Variants in FGF13 observed in about 807,000 individuals in gnomAD.
The protein encoded by FGF13 is fibroblast growth factor homologous factor 2.
FGF13 carries 2 observed loss-of-function variants against 19.5 expected under a neutral mutation model. That is an observed-to-expected ratio of 0.10 (90% CI 0.04 to 0.32). The LOEUF (loss-of-function observed/expected upper bound fraction) is 0.32. Ranked by LOEUF, FGF13 falls within the 10% of genes least tolerant of loss-of-function variation. The pLI is 1.00. For synonymous variants in FGF13, 72 were observed against 76.9 expected (o/e 0.94, Z 0.33); for missense variants, 113 against 192.7 (o/e 0.59, Z 2.45).
intron 3 of FGF13, among the ~76,000 whole-genome samples, chrX:138,791,112 A>T (rs140406820): frequency 1.2e-3 from 137 of 112,952 alleles, no homozygotes; most frequent in African/African-American, 4.0e-3. Context: ...CTTTAAGAAA[A>T]CCAATACAGC....
At chrX:138,660,074 TA>T (rs2089475983) in intron 3 of FGF13, among the ~76,000 whole-genome samples, 3 of 111,908 alleles carry the variant, frequency 2.7e-5, no homozygotes, top group Admixed American at 9.5e-5. Context: ...TAAAGTATAA[TA>T]TTTTTTTTTA....
At chrX:139,047,099 T>G (rs1268918804) in intron 1 of FGF13, among the ~76,000 whole-genome samples, 1 of 112,449 alleles carries the variant, frequency 8.9e-6, no homozygotes, top group Non-Finnish European at 1.9e-5. Context: ...TCCCTGTGTG[T>G]TAGCAGTCAA....
At chrX:138,781,338 G>T (rs768815197) in intron 3 of FGF13, among the ~76,000 whole-genome samples, 1 of 109,710 alleles carries the variant, frequency 9.1e-6, no homozygotes, top group Non-Finnish European at 1.9e-5. Flanking sequence ...GAAGGAAATA[G>T]AGACACAAAA....
intron 1 of FGF13, among the ~76,000 whole-genome samples, chrX:139,092,129 G>A (rs139138069): frequency 0.012 from 1,349 of 110,969 alleles, 30 homozygotes; most frequent in African/African-American, 0.042. Context: ...GGAAAGGAGG[G>A]GTGGCTGCCA....
At chrX:138,871,693 T>C (rs1192064931) in intron 1 of FGF13, among the ~76,000 whole-genome samples, 3 of 111,521 alleles carry the variant, frequency 2.7e-5, no homozygotes, top group Non-Finnish European at 5.6e-5. Flanking sequence ...GCCACAGAGA[T>C]ACCCAGGAGA....
intron 3 of FGF13, among the ~76,000 whole-genome samples, chrX:138,693,280 C>A (rs796940256): frequency 1.8e-5 from 2 of 111,654 alleles, no homozygotes; most frequent in South Asian, 7.4e-4. Context: ...GAAGTAAAAT[C>A]TAAGATGAAT....
chrX:138,911,433 AG>A (rs1462488133), intron 1 of FGF13, among the ~76,000 whole-genome samples: 2 of 108,849 alleles, frequency 1.8e-5, no homozygotes, highest in Non-Finnish European at 3.8e-5. Context: ...GGACACACAG[AG>A]GGGGGCAACA....
intron 1 of FGF13, among the ~76,000 whole-genome samples, chrX:139,053,171 G>A (rs1029459823): frequency 6.3e-5 from 7 of 111,591 alleles, no homozygotes; most frequent in South Asian, 3.8e-4. Context: ...TGCAAATGCC[G>A]TTAATTCATT....
chrX:139,173,468 G>A (rs764414718), intron 1 of FGF13, among the ~76,000 whole-genome samples: 2 of 110,081 alleles, frequency 1.8e-5, no homozygotes, highest in South Asian at 3.9e-4. Flanking sequence ...TTTGTTACAC[G>A]GGTATATACG....
intron 1 of FGF13, among the ~76,000 whole-genome samples, chrX:139,018,086 T>G (rs1251656256): frequency 8.9e-6 from 1 of 111,867 alleles, no homozygotes; most frequent in Non-Finnish European, 1.9e-5. Flanking sequence ...TTCCTTTTAA[T>G]GTGGATTGGC....
intron 3 of FGF13, among the ~76,000 whole-genome samples, chrX:138,801,241 TTGA>T (rs2090826769): frequency 8.9e-6 from 1 of 112,507 alleles, no homozygotes; most frequent in African/African-American, 3.2e-5. Context: ...ATCTTTGATG[TTGA>T]TGACCTTCGA....
At chrX:139,179,279 G>A (rs1333731161) in intron 1 of FGF13, among the ~76,000 whole-genome samples, 3 of 111,726 alleles carry the variant, frequency 2.7e-5, no homozygotes, top group Non-Finnish European at 5.6e-5. Context: ...CCCATTACAT[G>A]TCTTCAAACT....
At chrX:139,004,247 C>T (rs2092089947) in intron 1 of FGF13, among the ~76,000 whole-genome samples, 1 of 112,828 alleles carries the variant, frequency 8.9e-6, no homozygotes, top group South Asian at 3.6e-4. Context: ...ACCCAGTACA[C>T]CCTCCGCAGC....
chrX:138,680,563 T>C (rs2089717547), intron 3 of FGF13, among the ~76,000 whole-genome samples: 1 of 111,812 alleles, frequency 8.9e-6, no homozygotes, highest in African/African-American at 3.3e-5. Context: ...AGCAGTAATA[T>C]TTTGAAAAGA....
At chrX:139,156,384 T>C (rs1361787003) in intron 1 of FGF13, among the ~76,000 whole-genome samples, 2 of 112,086 alleles carry the variant, frequency 1.8e-5, no homozygotes, top group African/African-American at 6.5e-5. Flanking sequence ...TGATCCTGAC[T>C]TGCTTCTAAC....
chrX:138,994,947 C>T (rs966164643), intron 1 of FGF13, among the ~76,000 whole-genome samples: 1 of 105,755 alleles, frequency 9.5e-6, no homozygotes, highest in Non-Finnish European at 1.9e-5. Flanking sequence ...GCTTGTCCCA[C>T]CCCAACTCAA....
At chrX:138,840,351 C>T in intron 3 of FGF13, among the ~76,000 whole-genome samples, 1 of 111,471 alleles carries the variant, frequency 9.0e-6, no homozygotes, top group East Asian at 2.8e-4. Flanking sequence ...AAACATCCCG[C>T]CATGGTACCT....
chrX:138,950,210 G>A (rs2091803666), intron 1 of FGF13, among the ~76,000 whole-genome samples: 1 of 110,929 alleles, frequency 9.0e-6, no homozygotes. Flanking sequence ...ATATCAAACA[G>A]ATATATTCTG....
At chrX:138,640,260 G>T (rs1197274525) in intron 3 of FGF13, among the ~76,000 whole-genome samples, 1 of 111,773 alleles carries the variant, frequency 8.9e-6, no homozygotes, top group Admixed American at 9.5e-5. Context: ...TTAATGATCA[G>T]CTGCCCTTCT....
Sources: allele counts gnomAD v4.1 joint callset (sites outside exome capture counted in the v4.1 genomes callset), GRCh38; gene constraint gnomAD v4.1.1; transcripts MANE v1.5; gene names NCBI Gene and HGNC (gene_info 2026-07-23, HGNC 2026-07-21).